Variants in RNF24 observed in about 807,000 individuals in gnomAD.
The protein encoded by RNF24 is ring finger protein 24.
In RNF24, 14 loss-of-function variants were observed where a neutral mutation model predicts 20.0. The observed-to-expected ratio is 0.70, with a 90% CI of 0.46 to 1.10. The LOEUF is 1.10. RNF24 is among the 50% of genes least tolerant of loss of function. RNF24 has a pLI of 0.00. For synonymous variants in RNF24, 45 were observed against 61.1 expected, an observed-to-expected ratio of 0.74 and a Z score of 1.23; for missense variants, 124 against 177.6, an observed-to-expected ratio of 0.70 and a Z score of 1.71.
rs137936051 is a variant in RNF24, at chr20:4,007,397, C to T, written c.-8+8040G>A. 1.6e-3 allele frequency among the ~76,000 whole-genome samples: 245 copies of T among 152,108 alleles called. 1 individual carries two copies. The highest frequency in any genetic ancestry group is 5.7e-3 in the African/African-American group (236 of 41,500). ...GTACTGCTACATATATTTACCCTCC[C>T]AGCTAGCTAGTAGATGAAAAGAACA... is the stretch of plus-strand genomic sequence containing the variant. On this transcript the variant is annotated intron_variant, in intron 1 of 5. Coordinates refer to ENST00000358395, the MANE Select transcript of RNF24 (RefSeq NM_001134337.3).
At chr20:3,986,280 C>T (rs1198673826) in intron 1 of RNF24, among the ~76,000 whole-genome samples, 1 of 152,002 alleles carries the variant, frequency 6.6e-6, no homozygotes, top group Non-Finnish European at 1.5e-5. Flanking sequence ...CTCCCTCCCT[C>T]CTCACTCTGT....
intron 1 of RNF24, among the ~76,000 whole-genome samples, chr20:3,984,808 T>C (rs1355889019): frequency 6.6e-6 from 1 of 152,092 alleles, no homozygotes; most frequent in Non-Finnish European, 1.5e-5. Context: ...TTTTTTTTTT[T>C]CTTTCAAATC....
chr20:3,969,477 T>C (rs1377201394), intron 1 of RNF24, among the ~76,000 whole-genome samples: 3 of 148,736 alleles, frequency 2.0e-5, no homozygotes, highest in South Asian at 4.2e-4. Context: ...CTGGCAAAGT[T>C]GGCAAACAAG....
At chr20:3,942,548 C>T (rs241626) in intron 4 of RNF24, among the ~76,000 whole-genome samples, 47,122 of 151,772 alleles carry the variant, frequency 0.31, 8,023 homozygotes, top group African/African-American at 0.46. Context: ...TCTCAGCTCA[C>T]TGCAAGCTCC....
At chr20:3,998,524 G>A (rs1299852789) in intron 1 of RNF24, among the ~76,000 whole-genome samples, 7 of 132,466 alleles carry the variant, frequency 5.3e-5, no homozygotes, top group African/African-American at 1.7e-4. Flanking sequence ...GCAGTGAGCC[G>A]AGATTGCAAC....
At chr20:3,960,528 C>T (rs546090124) in intron 2 of RNF24, among the ~76,000 whole-genome samples, 2 of 151,988 alleles carry the variant, frequency 1.3e-5, no homozygotes, top group Admixed American at 6.6e-5. Context: ...TTTAGCTGGG[C>T]GTGGTGGCGT....
intron 1 of RNF24, among the ~76,000 whole-genome samples, chr20:3,998,132 T>C (rs1981039202): frequency 6.6e-6 from 1 of 152,200 alleles, no homozygotes. Flanking sequence ...ATTCAGCCCA[T>C]CAAGCTCACA....
chr20:3,979,390 G>A (rs937716688), intron 1 of RNF24, among the ~76,000 whole-genome samples: 5 of 152,084 alleles, frequency 3.3e-5, no homozygotes, highest in African/African-American at 1.2e-4. Flanking sequence ...ATGACTTCAG[G>A]CCAGGTGTGG....
At chr20:3,960,365 C>T (rs2091188025) in intron 2 of RNF24, among the ~76,000 whole-genome samples, 1 of 152,126 alleles carries the variant, frequency 6.6e-6, no homozygotes, top group Non-Finnish European at 1.5e-5. Flanking sequence ...AGCTCCTTAC[C>T]TCATGATTAA....
intron 1 of RNF24, among the ~76,000 whole-genome samples, chr20:3,992,076 G>C (rs1980493436): frequency 6.6e-6 from 1 of 152,142 alleles, no homozygotes; most frequent in Non-Finnish European, 1.5e-5. Flanking sequence ...ATTACATCCA[G>C]TGTAGCAATA....
chr20:3,965,591 T>C (rs1189960633), intron 1 of RNF24, among the ~76,000 whole-genome samples: 1 of 152,200 alleles, frequency 6.6e-6, no homozygotes, highest in East Asian at 1.9e-4. Context: ...TTTCCTACAT[T>C]CAGATCTTCT....
intron 1 of RNF24, among the ~76,000 whole-genome samples, chr20:3,990,680 TA>T (rs1186278971): frequency 6.6e-6 from 1 of 151,906 alleles, no homozygotes; most frequent in East Asian, 1.9e-4. Context: ...CCAACACAGT[TA>T]AAAAAATAAT....
At chr20:3,941,725 A>G (rs1182573171) in intron 4 of RNF24, among the ~76,000 whole-genome samples, 1 of 152,168 alleles carries the variant, frequency 6.6e-6, no homozygotes, top group Non-Finnish European at 1.5e-5. Context: ...ACATGACCCA[A>G]CTATGCTGTC....
At chr20:3,950,608 T>G (rs769674282) in intron 2 of RNF24, among the ~76,000 whole-genome samples, 1 of 152,242 alleles carries the variant, frequency 6.6e-6, no homozygotes, top group African/African-American at 2.4e-5. Flanking sequence ...AAGCAACCAA[T>G]GTACCTTGTG....
intron 4 of RNF24, among the ~76,000 whole-genome samples, chr20:3,942,838 T>G (rs2090973742): frequency 6.8e-6 from 1 of 147,586 alleles, no homozygotes; most frequent in African/African-American, 2.5e-5. Flanking sequence ...TTTTTTGAGA[T>G]AGTGTTTCAT....
intron 1 of RNF24, among the ~76,000 whole-genome samples, chr20:3,994,910 C>T (rs1980740120): frequency 1.3e-5 from 2 of 152,198 alleles, no homozygotes; most frequent in East Asian, 1.9e-4. Flanking sequence ...ACCACAAGCA[C>T]TTCTAGAGTG....
intron 3 of RNF24, 103 bp downstream of exon 3, chr20:3,948,134 A>C: frequency 1.3e-6 from 1 of 790,016 alleles, no homozygotes; most frequent in East Asian, 2.6e-5. Context: ...TAAAATGAAC[A>C]CAAGTAAATT....
chr20:3,935,816 A>T (rs1336027553), intron 4 of RNF24, among the ~76,000 whole-genome samples: 1 of 152,228 alleles, frequency 6.6e-6, no homozygotes, highest in Non-Finnish European at 1.5e-5. Context: ...GAGGAAACAG[A>T]AGCTCAGGAA....
intron 2 of RNF24, among the ~76,000 whole-genome samples, chr20:3,953,655 G>A (rs972407595): frequency 9.9e-5 from 15 of 151,576 alleles, no homozygotes; most frequent in Non-Finnish European, 1.9e-4. Context: ...GTAAAGATGG[G>A]GTTTCACCAT....
Sources: allele counts gnomAD v4.1 joint callset (sites outside exome capture counted in the v4.1 genomes callset), GRCh38; gene constraint gnomAD v4.1.1; transcripts MANE v1.5; gene names NCBI Gene and HGNC (gene_info 2026-07-23, HGNC 2026-07-21).